The following MITF variants were observed in gnomAD, a reference collection of about 807,000 sequenced individuals.
MITF encodes melanocyte inducing transcription factor, also known as microphthalmia-associated transcription factor.
A neutral mutation model predicts 60.5 loss-of-function variants in MITF; 17 were observed. The ratio of observed to expected loss-of-function variants is 0.28; its 90% CI spans 0.19 to 0.42. The LOEUF is 0.42. Among genes scored for constraint, MITF ranks in the 10% least tolerant of loss-of-function variants. The pLI is 1.00. For missense variants in MITF, 622 were observed against 683.5 expected (o/e 0.91, Z 1.00); for synonymous variants, 260 against 248.5 (o/e 1.05, Z -0.43).
At chr3:69,755,780 A>C (rs1456615745) in intron 1 of MITF, among the ~76,000 whole-genome samples, 1 of 152,084 alleles carries the variant, frequency 6.6e-6, no homozygotes, top group Non-Finnish European at 1.5e-5. Context: ...ACCTCATTGA[A>C]TAGTTGTGAA....
At chr3:69,797,339 T>G (rs1008340061) in intron 1 of MITF, among the ~76,000 whole-genome samples, 1 of 152,174 alleles carries the variant, frequency 6.6e-6, no homozygotes, top group South Asian at 2.1e-4. Flanking sequence ...TTTCTACAAA[T>G]CATATAAATG....
At chr3:69,748,941 G>A (rs1029896367) in intron 1 of MITF, among the ~76,000 whole-genome samples, 1 of 152,154 alleles carries the variant, frequency 6.6e-6, no homozygotes, top group Non-Finnish European at 1.5e-5. Flanking sequence ...ATGAAATTAC[G>A]AAATGACAGA....
At chr3:69,926,781 T>C (rs989342702) in intron 2 of MITF, among the ~76,000 whole-genome samples, 14 of 152,152 alleles carry the variant, frequency 9.2e-5, no homozygotes, top group African/African-American at 2.7e-4. Flanking sequence ...AAATGCAAAC[T>C]GTACAAGCTT....
chr3:69,824,935 G>A (rs1330491223), intron 1 of MITF, among the ~76,000 whole-genome samples: 2 of 152,230 alleles, frequency 1.3e-5, no homozygotes, highest in South Asian at 2.1e-4. Flanking sequence ...TAGCCCTGGG[G>A]ATAAAGGCTC....
intron 2 of MITF, among the ~76,000 whole-genome samples, chr3:69,921,787 C>T (rs949110300): frequency 1.3e-5 from 2 of 152,120 alleles, no homozygotes; most frequent in Non-Finnish European, 2.9e-5. Flanking sequence ...TGAAAGGAGT[C>T]GGGAAGGAAA....
chr3:69,895,613 C>G (rs546573081), intron 2 of MITF, among the ~76,000 whole-genome samples: 1 of 151,980 alleles, frequency 6.6e-6, no homozygotes, highest in South Asian at 2.1e-4. Flanking sequence ...TTCTATAGCT[C>G]TTATTTTCTT....
At chr3:69,892,334 G>A (rs1035427072) in intron 2 of MITF, among the ~76,000 whole-genome samples, 22 of 152,048 alleles carry the variant, frequency 1.4e-4, no homozygotes, top group Non-Finnish European at 1.8e-4. Flanking sequence ...TAAATTGACC[G>A]GAAGATAAGG....
chr3:69,840,755 CTTTTTTT>C (rs200258297), intron 1 of MITF, among the ~76,000 whole-genome samples: 8 of 138,564 alleles, frequency 5.8e-5, no homozygotes, highest in South Asian at 2.3e-4. Flanking sequence ...GTTTTTTTCT[CTTTTTTT>C]TTTTTTTTTG....
intron 7 of MITF, among the ~76,000 whole-genome samples, chr3:69,954,661 G>A (rs1452035268): frequency 6.6e-6 from 1 of 152,120 alleles, no homozygotes. Context: ...TAAGAAGAAA[G>A]TATCATACTT....
rs146179413 is a variant in MITF at position 69,965,275 on chromosome 3, C to G, written c.*27C>G. The G allele has an allele frequency of 5.5e-5, 88 of 1,605,774 alleles. No individual in the cohort carries two copies. In the African/African-American group the frequency reaches 1.1e-3, roughly 19 times the overall value. On this transcript the variant is annotated 3_prime_UTR_variant, in exon 10 of 10. Transcript: ENST00000352241. ...GAATCCTCCCTGCACTGCATTCGCA[C>G]AAACTGCTTCCTTTCTTGATTCGTA...
At chr3:69,754,416 C>T (rs1472310939) in intron 1 of MITF, among the ~76,000 whole-genome samples, 3 of 152,050 alleles carry the variant, frequency 2.0e-5, no homozygotes, top group East Asian at 1.9e-4. Flanking sequence ...CCCCCTTGGC[C>T]GGCCAAAGTA....
intron 2 of MITF, among the ~76,000 whole-genome samples, chr3:69,909,846 G>A (rs2065184984): frequency 6.6e-6 from 1 of 152,144 alleles, no homozygotes; most frequent in Non-Finnish European, 1.5e-5. Flanking sequence ...GAGCATAAAA[G>A]TTCAGAAAAT....
intron 2 of MITF, among the ~76,000 whole-genome samples, chr3:69,915,687 A>G (rs1472553104): frequency 6.6e-6 from 1 of 152,210 alleles, no homozygotes; most frequent in Non-Finnish European, 1.5e-5. Flanking sequence ...CTGAGTTGCT[A>G]GGCAGTAAGA....
At chr3:69,784,922 C>G (rs1198090738) in intron 1 of MITF, among the ~76,000 whole-genome samples, 2 of 152,166 alleles carry the variant, frequency 1.3e-5, no homozygotes, top group Non-Finnish European at 2.9e-5. Context: ...AGGGAAATCT[C>G]AAGGGTCCTG....
chr3:69,851,669 T>C (rs912769647), intron 1 of MITF, among the ~76,000 whole-genome samples: 1 of 152,184 alleles, frequency 6.6e-6, no homozygotes, highest in African/African-American at 2.4e-5. Flanking sequence ...CTGTTTTGAC[T>C]ACAAAGGAGT....
chr3:69,791,913 A>G (rs1401502088), intron 1 of MITF, among the ~76,000 whole-genome samples: 1 of 152,218 alleles, frequency 6.6e-6, no homozygotes, highest in African/African-American at 2.4e-5. Flanking sequence ...ACAACAGTAG[A>G]GGAGGCCTTA....
At chr3:69,822,039 A>G (rs1157980525) in intron 1 of MITF, among the ~76,000 whole-genome samples, 1 of 152,234 alleles carries the variant, frequency 6.6e-6, no homozygotes, top group African/African-American at 2.4e-5. Context: ...CACCATGCCC[A>G]GCCCAAACTG....
intron 1 of MITF, among the ~76,000 whole-genome samples, chr3:69,764,409 A>C (rs2062258323): frequency 6.6e-6 from 1 of 152,230 alleles, no homozygotes; most frequent in Non-Finnish European, 1.5e-5. Context: ...ATTGTAAAAG[A>C]ATACCACTTC....
intron 3 of MITF, chr3:69,938,632 G>A (rs2065900081): frequency 1.5e-6 from 2 of 1,340,756 alleles, no homozygotes; most frequent in African/African-American, 1.5e-5. Flanking sequence ...ATCTGCTTTG[G>A]TGAAGGCTGG....
Sources: allele counts gnomAD v4.1 joint callset (sites outside exome capture counted in the v4.1 genomes callset), GRCh38; gene constraint gnomAD v4.1.1; transcripts MANE v1.5; gene names NCBI Gene and HGNC (gene_info 2026-07-23, HGNC 2026-07-21).